The following KLRG1 variants were observed in gnomAD, a reference collection of about 807,000 sequenced individuals.
KLRG1 encodes killer cell lectin like receptor G1.
A neutral mutation model predicts 21.8 loss-of-function variants in KLRG1; 16 were observed. That is an observed-to-expected ratio of 0.73 (90% confidence interval 0.50 to 1.11). KLRG1 has a LOEUF of 1.11. Ranked by LOEUF, KLRG1 falls within the 50% of genes most tolerant of loss-of-function variation. The probability of loss-of-function intolerance (pLI) is 0.00; values close to 1 mark genes in which losing one functional copy is unlikely to be tolerated. For synonymous variants in KLRG1, 69 were observed against 75.9 expected, an observed-to-expected ratio of 0.91 and a Z score of 0.47; for missense variants, 173 against 218.3, an observed-to-expected ratio of 0.79 and a Z score of 1.31.
intron 1 of KLRG1, among the ~76,000 whole-genome samples, chr12:8,976,413 C>G (rs1946658164): frequency 6.6e-6 from 1 of 152,124 alleles, no homozygotes; most frequent in African/African-American, 2.4e-5. Context: ...GTTCTCTGTG[C>G]TCTTGAAAAG....
At chr12:9,162,617 C>T in the KLRG1 span, 2 of 1,596,266 alleles carry the variant, frequency 1.3e-6, no homozygotes, top group South Asian at 1.1e-5. Flanking sequence ...GGTCATAGAA[C>T]TGAAAGTCTT....
chr12:9,087,564 T>C, the KLRG1 span, among the ~76,000 whole-genome samples: 1 of 146,260 alleles, frequency 6.8e-6, no homozygotes, highest in Non-Finnish European at 1.6e-5. Flanking sequence ...AAGGAATACA[T>C]TTTTTTCTTT....
the KLRG1 span, among the ~76,000 whole-genome samples, chr12:9,065,504 A>G: frequency 6.6e-6 from 1 of 152,136 alleles, no homozygotes; most frequent in South Asian, 2.1e-4. Flanking sequence ...GACAGTGCTG[A>G]TACGCCAGCC....
At chr12:8,978,639 CT>C (rs778735490) in intron 1 of KLRG1, among the ~76,000 whole-genome samples, 2 of 124,856 alleles carry the variant, frequency 1.6e-5, no homozygotes, top group African/African-American at 3.2e-5. Context: ...CTTTTTCTTT[CT>C]TTTCTTTCTT....
intron 1 of KLRG1, among the ~76,000 whole-genome samples, chr12:8,956,789 C>T (rs772504875): frequency 2.6e-5 from 4 of 152,270 alleles, no homozygotes; most frequent in African/African-American, 7.2e-5. Context: ...GTTTTTTGGA[C>T]GCCACTGCGT....
chr12:9,160,325 T>G, the KLRG1 span: 1 of 1,610,440 alleles, frequency 6.2e-7, no homozygotes, highest in African/African-American at 1.3e-5. Context: ...AGTGATGAGA[T>G]AGCCAACGGC....
the KLRG1 span, among the ~76,000 whole-genome samples, chr12:9,059,567 T>C: frequency 5.7e-3 from 875 of 152,350 alleles, 9 homozygotes; most frequent in African/African-American, 0.02. Context: ...GCTCCCTGTG[T>C]AACTATAGAT....
At chr12:9,105,003 G>T in the KLRG1 span, among the ~76,000 whole-genome samples, 2 of 152,266 alleles carry the variant, frequency 1.3e-5, no homozygotes, top group East Asian at 3.9e-4. Flanking sequence ...AAGGTAGGCA[G>T]ATTTTATGAC....
chr12:9,160,016 C>T, the KLRG1 span: 4 of 1,613,492 alleles, frequency 2.5e-6, no homozygotes, highest in Non-Finnish European at 3.4e-6. Flanking sequence ...GTTCAGCTGT[C>T]TCTGGTAACC....
chr12:9,010,284 A>T lies in KLRG1; in HGVS notation c.*747A>T, dbSNP rs1257142318. 2.5e-6 allele frequency: 1 copy of T among 401,312 alleles called. No homozygotes were observed. The highest frequency in any genetic ancestry group is 2.0e-5 in the African/African-American group (1 of 48,988). The allele number at this position is 401,312 out of a possible 1,614,324, so 24.9% of individuals were successfully genotyped here. On this transcript the variant is annotated 3_prime_UTR_variant, in exon 5 of 5. Transcript: ENST00000356986. The stretch of plus-strand genomic sequence containing the variant: ...CTTCTGAGCTCTTCACACGTAATGC[A>T]AAAACCCGGTCTTAACTGATTTTGT...
At chr12:9,104,200 GGCTACTTCAT>G in the KLRG1 span, 7 of 1,589,918 alleles carry the variant, frequency 4.4e-6, no homozygotes. Flanking sequence ...TTGTTTCCAA[GGCTACTTCAT>G]GTCATTGGTA....
chr12:9,203,911 C>A, the KLRG1 span: 2 of 1,613,896 alleles, frequency 1.2e-6, no homozygotes, highest in Non-Finnish European at 8.5e-7. Context: ...TTCTTAGGGG[C>A]CTCAGTGTGG....
At chr12:9,029,871 C>T in the KLRG1 span, among the ~76,000 whole-genome samples, 1 of 152,090 alleles carries the variant, frequency 6.6e-6, no homozygotes, top group Non-Finnish European at 1.5e-5. Flanking sequence ...ATTCTCATGC[C>T]TCGGCCTCCC....
chr12:9,194,800 C>G, the KLRG1 span, among the ~76,000 whole-genome samples: 1 of 152,140 alleles, frequency 6.6e-6, no homozygotes, highest in African/African-American at 2.4e-5. Flanking sequence ...CAACTTGCCA[C>G]TTAATATGCA....
chr12:8,979,760 T>C lies in KLRG1; in HGVS notation c.-155-12446T>C, dbSNP rs1039447616. Among the ~76,000 whole-genome samples, 3 of 152,154 alleles carry C rather than the reference T, an allele frequency of 2.0e-5. No individual in the cohort carries two copies. The East Asian group carries it at 5.8e-4, about 29-fold the overall frequency. On this transcript the variant is annotated intron_variant, in intron 1 of 4. Coordinates refer to the KLRG1 transcript ENST00000539240. Reference sequence around the variant, plus strand: ...TTTTCTTTTTCATTCTTTTTTTTTCTCCTCTGACTGGATAATTTCAAATAA... The same window carrying C: ...TTTTCTTTTTCATTCTTTTTTTTTCCCCTCTGACTGGATAATTTCAAATAA...
chr12:9,182,198 G>C, the KLRG1 span: 1 of 423,846 alleles, frequency 2.4e-6, no homozygotes, highest in Middle Eastern at 6.8e-4. Flanking sequence ...GGACACTATT[G>C]CTTGGTCTTA....
intron 3 of KLRG1, among the ~76,000 whole-genome samples, chr12:9,002,453 A>AT (rs1947332986): frequency 6.6e-6 from 1 of 152,166 alleles, no homozygotes; most frequent in Non-Finnish European, 1.5e-5. Flanking sequence ...TAGGGTTTGC[A>AT]TTTTTTCTAA....
At chr12:9,171,221 G>T in the KLRG1 span, among the ~76,000 whole-genome samples, 1 of 152,126 alleles carries the variant, frequency 6.6e-6, no homozygotes, top group East Asian at 1.9e-4. Context: ...CAAAGCAACT[G>T]GGGTCTGGAG....
the KLRG1 span, among the ~76,000 whole-genome samples, chr12:9,146,068 T>C: frequency 5.9e-5 from 9 of 152,318 alleles, no homozygotes; most frequent in African/African-American, 2.2e-4. Flanking sequence ...ATTTCCTTTT[T>C]CAGGTTGAGA....
Sources: allele counts gnomAD v4.1 joint callset (sites outside exome capture counted in the v4.1 genomes callset), GRCh38; gene constraint gnomAD v4.1.1; transcripts MANE v1.5; gene names NCBI Gene and HGNC (gene_info 2026-07-23, HGNC 2026-07-21).